Variants in FAM83B observed in about 807,000 individuals in gnomAD.
FAM83B encodes scaffolding CK1 anchoring protein B.
Under a neutral mutation model 38.8 loss-of-function variants are expected in FAM83B, and 26 were observed. The observed-to-expected ratio is 0.67, with a 90% CI of 0.49 to 0.93. FAM83B has a LOEUF of 0.93. FAM83B is among the 40% of genes least tolerant of loss of function. FAM83B has a pLI of 0.00. For missense variants in FAM83B, 1,237 were observed against 1,197.3 expected (o/e 1.03, Z -0.49); for synonymous variants, 419 against 423.1 (o/e 0.99, Z 0.12).
chr6:54,866,412 G>T (rs1423454725), intron 1 of FAM83B, among the ~76,000 whole-genome samples: 2 of 152,014 alleles, frequency 1.3e-5, no homozygotes, highest in African/African-American at 4.8e-5. Flanking sequence ...TATTGATACT[G>T]TCAAGATATA....
intron 1 of FAM83B, among the ~76,000 whole-genome samples, chr6:54,853,128 T>C (rs1230913105): frequency 2.6e-5 from 4 of 152,118 alleles, no homozygotes; most frequent in Non-Finnish European, 5.9e-5. Context: ...CTGTGAAGGC[T>C]GAGAGAGATG....
At chr6:54,879,160 G>A (rs1425655115) in intron 2 of FAM83B, among the ~76,000 whole-genome samples, 1 of 152,174 alleles carries the variant, frequency 6.6e-6, no homozygotes, top group Non-Finnish European at 1.5e-5. Flanking sequence ...CCCAGTCACT[G>A]ACATCTGGCA....
At chr6:54,916,841 A>G (rs150175579) in intron 2 of FAM83B, among the ~76,000 whole-genome samples, 170 of 152,312 alleles carry the variant, frequency 1.1e-3, no homozygotes, top group African/African-American at 3.9e-3. Context: ...CTACTGAAAT[A>G]TCTACTTTTA....
At chr6:54,868,772 C>T (rs888549807) in intron 1 of FAM83B, among the ~76,000 whole-genome samples, 2 of 152,108 alleles carry the variant, frequency 1.3e-5, no homozygotes, top group African/African-American at 4.8e-5. Context: ...TGAGGGCTTT[C>T]CAAAAGACAG....
intron 2 of FAM83B, among the ~76,000 whole-genome samples, chr6:54,871,535 A>C (rs1230264187): frequency 1.4e-5 from 2 of 146,816 alleles, no homozygotes; most frequent in Non-Finnish European, 3.0e-5. Context: ...CCTGGCCAAC[A>C]TAGCAAAACC....
At chr6:54,851,647 GTT>G (rs577598548) in intron 1 of FAM83B, among the ~76,000 whole-genome samples, 7 of 86,956 alleles carry the variant, frequency 8.1e-5, no homozygotes, top group Non-Finnish European at 1.1e-4. Context: ...TAATTTTTGT[GTT>G]TTTTTTTTTT....
intron 2 of FAM83B, among the ~76,000 whole-genome samples, chr6:54,904,120 T>TA (rs1228101860): frequency 6.6e-6 from 1 of 152,116 alleles, no homozygotes; most frequent in East Asian, 1.9e-4. Context: ...TACATATTGT[T>TA]CATTGCTCAA....
chr6:54,869,580 A>G (rs1771795108), intron 1 of FAM83B, among the ~76,000 whole-genome samples: 1 of 152,018 alleles, frequency 6.6e-6, no homozygotes. Flanking sequence ...TGGGATGGAA[A>G]TATTTCTTCT....
At chr6:54,905,537 GAATAC>G (rs1054372952) in intron 2 of FAM83B, among the ~76,000 whole-genome samples, 2 of 151,884 alleles carry the variant, frequency 1.3e-5, no homozygotes, top group African/African-American at 2.4e-5. Context: ...GGCCGTTTTG[GAATAC>G]AATACATTAT....
chr6:54,903,361 C>T (rs239837), intron 2 of FAM83B, among the ~76,000 whole-genome samples: 98,141 of 152,048 alleles, frequency 0.65, 33,626 homozygotes, highest in East Asian at 0.89. Flanking sequence ...TGGTCACCTA[C>T]TCACTGTAAA....
intron 1 of FAM83B, among the ~76,000 whole-genome samples, chr6:54,855,730 T>G (rs546875514): frequency 4.6e-5 from 7 of 152,288 alleles, no homozygotes; most frequent in African/African-American, 1.4e-4. Context: ...CACAGAAATT[T>G]GGGGTGGATC....
intron 4 of FAM83B, among the ~76,000 whole-genome samples, chr6:54,928,507 A>G (rs1273632448): frequency 1.4e-4 from 21 of 152,264 alleles, no homozygotes; most frequent in Non-Finnish European, 5.9e-5. Context: ...AATGTTAACT[A>G]CTATTTTAGG....
At chr6:54,919,973 G>A (rs1370403811) in intron 2 of FAM83B, among the ~76,000 whole-genome samples, 4 of 151,804 alleles carry the variant, frequency 2.6e-5, no homozygotes, top group Non-Finnish European at 5.9e-5. Context: ...CAAACCAGTA[G>A]ATATATAGAT....
intron 2 of FAM83B, among the ~76,000 whole-genome samples, chr6:54,890,093 A>G (rs1772366883): frequency 6.6e-6 from 1 of 152,122 alleles, no homozygotes; most frequent in African/African-American, 2.4e-5. Context: ...CATATTCTTT[A>G]CAGCTATTCT....
At chr6:54,907,390 A>T (rs981649646) in intron 2 of FAM83B, among the ~76,000 whole-genome samples, 2 of 99,446 alleles carry the variant, frequency 2.0e-5, no homozygotes, top group East Asian at 4.2e-4. Context: ...TGGCTAAAAT[A>T]AAAAAAGTTA....
intron 2 of FAM83B, among the ~76,000 whole-genome samples, chr6:54,915,094 A>G (rs570225755): frequency 3.3e-4 from 50 of 152,062 alleles, no homozygotes; most frequent in South Asian, 1.2e-3. Context: ...GTTTTTATGC[A>G]TAAAAATTCC....
chr6:54,885,139 A>G (rs1267210578), intron 2 of FAM83B, among the ~76,000 whole-genome samples: 1 of 152,056 alleles, frequency 6.6e-6, no homozygotes, highest in Non-Finnish European at 1.5e-5. Flanking sequence ...TAGGAATTTT[A>G]GAATCATCTT....
intron 1 of FAM83B, among the ~76,000 whole-genome samples, chr6:54,863,589 T>G (rs560631833): frequency 1.3e-5 from 1 of 77,924 alleles, no homozygotes; most frequent in East Asian, 2.2e-4. Flanking sequence ...AGACTACCCT[T>G]TAGTGCATCT....
At chr6:54,896,558 C>T (rs7773327) in intron 2 of FAM83B, among the ~76,000 whole-genome samples, 8 of 152,024 alleles carry the variant, frequency 5.3e-5, no homozygotes, top group Non-Finnish European at 8.8e-5. Flanking sequence ...GTTAGCTTGA[C>T]GTCTAAAAGG....
Sources: allele counts gnomAD v4.1 joint callset (sites outside exome capture counted in the v4.1 genomes callset), GRCh38; gene constraint gnomAD v4.1.1; transcripts MANE v1.5; gene names NCBI Gene and HGNC (gene_info 2026-07-23, HGNC 2026-07-21).